Variants in SLCO3A1 observed in about 807,000 individuals in gnomAD.
SLCO3A1 encodes the protein PGE1 transporter.
A neutral mutation model predicts 63.1 loss-of-function variants in SLCO3A1; 27 were observed. The ratio of observed to expected loss-of-function variants is 0.43; its 90% CI spans 0.32 to 0.59. The LOEUF (loss-of-function observed/expected upper bound fraction) is 0.59, where lower values mean the gene tolerates loss of function less well. SLCO3A1 is among the 20% of genes least tolerant of loss of function. The probability of loss-of-function intolerance (pLI) is 0.09; values close to 1 mark genes in which losing one functional copy is unlikely to be tolerated. For synonymous variants in SLCO3A1, 473 were observed against 409.9 expected (o/e 1.15, Z -1.86); for missense variants, 773 against 945.8 (o/e 0.82, Z 2.40).
At chr15:92,030,474 A>G (rs1413331491) in intron 2 of SLCO3A1, among the ~76,000 whole-genome samples, 2 of 152,166 alleles carry the variant, frequency 1.3e-5, no homozygotes, top group African/African-American at 4.8e-5. Flanking sequence ...CACAGCCATT[A>G]CTATGCCGTC....
At chr15:92,131,197 A>G (rs73540493) in intron 7 of SLCO3A1, among the ~76,000 whole-genome samples, 4,136 of 152,182 alleles carry the variant, frequency 0.027, 190 homozygotes, top group African/African-American at 0.094. Flanking sequence ...TCGAGTACAC[A>G]TGGACACCAA....
chr15:92,063,721 G>A (rs1015063587), intron 2 of SLCO3A1, among the ~76,000 whole-genome samples: 20 of 152,196 alleles, frequency 1.3e-4, no homozygotes, highest in African/African-American at 2.4e-4. Context: ...ATGGTGGCGC[G>A]TACCTGTAGT....
intron 7 of SLCO3A1, among the ~76,000 whole-genome samples, chr15:92,131,564 C>T (rs2047997647): frequency 6.9e-6 from 1 of 144,756 alleles, no homozygotes; most frequent in African/African-American, 2.5e-5. Context: ...CGGGGTTTTT[C>T]ACCGTGACGG....
In SLCO3A1 at chr15:91,856,846, C is replaced by T. The variant is rs974357308; in HGVS notation, c.180+2758C>T. Reference sequence around the variant, plus strand: ...ACGATGTTATTTCCTATTAGATTCCCAGAGTCCACCTTCTTATTTCATCTC... The same window carrying T: ...ACGATGTTATTTCCTATTAGATTCCTAGAGTCCACCTTCTTATTTCATCTC... On this transcript the variant is annotated intron_variant, in intron 1 of 9. Transcript: ENST00000318445. This position sits in a 1 kb window ranked among gnomAD's most constrained non-coding sequence, Gnocchi z 4.9. Among the ~76,000 whole-genome samples, 5 of 152,230 alleles carry T rather than the reference C, an allele frequency of 3.3e-5. No homozygotes were observed. Among genetic ancestry groups the T allele is most frequent in the African/African-American group, 9.6e-5 (4 of 41,524 alleles).
At chr15:91,911,296 A>C (rs369663528) in intron 1 of SLCO3A1, among the ~76,000 whole-genome samples, 2 of 152,326 alleles carry the variant, frequency 1.3e-5, no homozygotes, top group South Asian at 2.1e-4. Flanking sequence ...GAATGGGGGA[A>C]GGCTAGTTGA....
At chr15:92,016,049 T>C (rs2046422127) in intron 2 of SLCO3A1, among the ~76,000 whole-genome samples, 1 of 152,136 alleles carries the variant, frequency 6.6e-6, no homozygotes. Flanking sequence ...AAGGAGGAGA[T>C]GAAATTTCTG....
intron 2 of SLCO3A1, among the ~76,000 whole-genome samples, chr15:92,040,601 C>T (rs2046785607): frequency 1.3e-5 from 2 of 152,140 alleles, no homozygotes; most frequent in Admixed American, 1.3e-4. Context: ...ACACTGGTAC[C>T]TTCCTCTCCT....
chr15:92,104,471 A>C lies in SLCO3A1; in HGVS notation c.938A>C (p.Lys313Thr). The change falls in exon 4 of 10, where the codon AAG becomes ACG. Residue 313 changes from lysine (K) to threonine (T), a missense_variant. By Grantham distance (78) the Lys-to-Thr change is moderately conservative. Transcript: ENST00000318445. ...MLSEREYERP[K>T]PSNGVLRHPL... ...TCCGAAAGAGAATACGAGAGACCCA[A>C]GCCCAGCAACGGGGTCCTGAGGCAC... is the stretch of plus-strand genomic sequence containing the variant. The C allele has an allele frequency of 6.2e-7, 1 of 1,614,134 alleles. No homozygotes were observed. The highest frequency in any genetic ancestry group is 8.5e-7 in the Non-Finnish European group (1 of 1,180,028).
Position 92,163,189 on chromosome 15 carries a change from TAAAA to T in SLCO3A1, c.*58_*61del, listed in dbSNP as rs1038247506. On this transcript the variant is annotated 3_prime_UTR_variant, in exon 10 of 10. Coordinates refer to ENST00000318445, the MANE Select transcript of SLCO3A1 (RefSeq NM_013272.4). ...AGTAATCCAAGGGTCATTTTTTTCT[TAAAA>T]AAAGAAAAAAAGGTTCCAAAAAAAA... The T allele has an allele frequency of 5.0e-6, 7 of 1,413,990 alleles. No individual in the cohort carries two copies. The highest frequency in any genetic ancestry group is 5.4e-5 in the Admixed American group (2 of 36,852). 87.6% of individuals were successfully genotyped at this position (1,413,990 alleles called of 1,614,324 possible). A position where few individuals can be genotyped will look rare whatever the true frequency, so the allele number is the denominator to read the frequency against.
intron 2 of SLCO3A1, among the ~76,000 whole-genome samples, chr15:92,091,588 G>C (rs946178596): frequency 2.6e-5 from 4 of 152,176 alleles, no homozygotes; most frequent in South Asian, 4.1e-4. Flanking sequence ...CAGTTGTTAA[G>C]ATATTTCTGA....
At chr15:91,909,743 G>C (rs1439565864) in intron 1 of SLCO3A1, among the ~76,000 whole-genome samples, 1 of 152,184 alleles carries the variant, frequency 6.6e-6, no homozygotes, top group Admixed American at 6.5e-5. Flanking sequence ...AAGCGCTCCA[G>C]ACTGAGCCAG....
chr15:92,170,048 G>A (rs1403964060), downstream of SLCO3A1, among the ~76,000 whole-genome samples: 1 of 152,156 alleles, frequency 6.6e-6, no homozygotes, highest in African/African-American at 2.4e-5. Context: ...GAACAACATA[G>A]TAAGTTTTCT....
intron 2 of SLCO3A1, among the ~76,000 whole-genome samples, chr15:91,963,917 CTTAT>C (rs1900558745): frequency 6.6e-6 from 1 of 152,154 alleles, no homozygotes; most frequent in East Asian, 1.9e-4. Flanking sequence ...CTTTTATTCC[CTTAT>C]TTGGCCCCGC....
chr15:91,930,106 C>T (rs888979835), intron 2 of SLCO3A1, among the ~76,000 whole-genome samples: 1 of 152,142 alleles, frequency 6.6e-6, no homozygotes, highest in Non-Finnish European at 1.5e-5. Flanking sequence ...TTAATTTTCT[C>T]CCAGGTTTGC....
chr15:92,002,283 AG>A (rs2046265072), intron 2 of SLCO3A1, among the ~76,000 whole-genome samples: 1 of 152,216 alleles, frequency 6.6e-6, no homozygotes, highest in African/African-American at 2.4e-5. Context: ...GTTCCAAGGC[AG>A]GCAACGTCTA....
chr15:91,858,093 G>A (rs887259081), intron 1 of SLCO3A1, among the ~76,000 whole-genome samples: 13 of 152,070 alleles, frequency 8.5e-5, no homozygotes, highest in African/African-American at 1.7e-4. Context: ...TGGGTGAGGC[G>A]AAACTGCTAG....
intron 5 of SLCO3A1, among the ~76,000 whole-genome samples, chr15:92,121,071 C>A (rs2047857512): frequency 6.6e-6 from 1 of 152,112 alleles, no homozygotes; most frequent in South Asian, 2.1e-4. Flanking sequence ...ACAGACATAA[C>A]TAATGGATCA....
rs148891038 is a variant in SLCO3A1, at chr15:92,097,386, A to G, written c.745+2407A>G. On this transcript the variant is annotated intron_variant, in intron 3 of 9. Transcript: ENST00000318445. ...CCTTTTCTCAGTGCCTGAAATGACC[A>G]GCGGGTAGACAGATGGCTGGAGGGG... 1.2e-4 allele frequency among the ~76,000 whole-genome samples: 19 copies of G among 152,352 alleles called. No individual in the cohort carries two copies. In the East Asian group the frequency reaches 3.5e-3, roughly 28 times the overall value.
chr15:91,999,295 A>G (rs537179419), intron 2 of SLCO3A1, among the ~76,000 whole-genome samples: 1 of 152,350 alleles, frequency 6.6e-6, no homozygotes, highest in Admixed American at 6.5e-5. Flanking sequence ...AATTGAAATT[A>G]TTTTAAAAAT....
Sources: allele counts gnomAD v4.1 joint callset (sites outside exome capture counted in the v4.1 genomes callset), GRCh38; gene constraint gnomAD v4.1.1; non-coding constraint Gnocchi (gnomAD v3.1); transcripts MANE v1.5; gene names NCBI Gene and HGNC (gene_info 2026-07-23, HGNC 2026-07-21).